The following MYO10 variants were observed in gnomAD, a reference collection of about 807,000 sequenced individuals.
The protein encoded by MYO10 is myosin X, also known as unconventional myosin-X.
In MYO10, 133 loss-of-function variants were observed where a neutral mutation model predicts 257.3. The ratio of observed to expected loss-of-function variants is 0.52; its 90% CI spans 0.45 to 0.60. The LOEUF (loss-of-function observed/expected upper bound fraction) is 0.60. Ranked by LOEUF, MYO10 falls within the 20% of genes least tolerant of loss-of-function variation. The pLI, the probability that MYO10 is intolerant of heterozygous loss-of-function variation, is 0.00. For missense variants in MYO10, 2,399 were observed against 2,635.7 expected (o/e 0.91, Z 1.97); for synonymous variants, 1,104 against 1,028.6 (o/e 1.07, Z -1.40).
At chr5:16,709,836 C>T (rs895377794) in intron 21 of MYO10, among the ~76,000 whole-genome samples, 2 of 152,206 alleles carry the variant, frequency 1.3e-5, no homozygotes, top group Admixed American at 6.5e-5. Context: ...CTATCTCTAC[C>T]CTGTTTTGTG....
rs1736146108 is a variant in MYO10, at chr5:16,665,960, A to G, written c.*732T>C. The G allele has an allele frequency of 6.5e-6, 1 of 152,682 alleles. No individual in the cohort carries two copies. Among genetic ancestry groups the G allele is most frequent in the Non-Finnish European group, 1.5e-5 (1 of 68,048 alleles). 9.5% of individuals were successfully genotyped at this position (152,682 alleles called of 1,614,324 possible). A position where few individuals can be genotyped will look rare whatever the true frequency, so the allele number is the denominator to read the frequency against. On this transcript the variant is annotated 3_prime_UTR_variant, in exon 41 of 41. Transcript: ENST00000513610. Reference sequence around the variant, plus strand: ...TTGGGTTTGTTAATAAAACCACCTTATAAAGTAACAATTGAGACTATAGCT... The same window carrying G: ...TTGGGTTTGTTAATAAAACCACCTTGTAAAGTAACAATTGAGACTATAGCT...
chr5:16,922,297 GA>G (rs2126801660), intron 1 of MYO10, among the ~76,000 whole-genome samples: 1 of 152,202 alleles, frequency 6.6e-6, no homozygotes, highest in East Asian at 1.9e-4. Context: ...ATCCGAGGGG[GA>G]AAACTTCCAG....
intron 1 of MYO10, among the ~76,000 whole-genome samples, chr5:16,927,105 T>C (rs1282823600): frequency 1.3e-5 from 2 of 152,224 alleles, no homozygotes; most frequent in East Asian, 1.9e-4. Context: ...GTATGTGATA[T>C]GGGAACTGAA....
At chr5:16,931,740 C>T (rs1024029067) in intron 1 of MYO10, among the ~76,000 whole-genome samples, 1 of 152,194 alleles carries the variant, frequency 6.6e-6, no homozygotes, top group Non-Finnish European at 1.5e-5. Context: ...CAGCTAATCT[C>T]CTGATATGAT....
rs777493806 is a variant in MYO10, at chr5:16,689,856, G to C, written c.3864C>G (p.Phe1288Leu). The change falls in exon 28 of 41, where the codon TTC (phenylalanine) becomes TTG (leucine). Residue 1288 changes from phenylalanine (F) to leucine (L), a missense_variant. Physicochemically the swap from Phe to Leu is conservative, Grantham distance 22. This residue lies in a region of MYO10 where 1,820 missense variants were observed against 1,939.4 expected (regional missense o/e 0.94). Transcript: ENST00000513610. The stretch of plus-strand genomic sequence containing the variant: ...CTTCTGGGGACTCTGCAATCAGGTG[G>C]AAAGTCCTATCGGCCATAATGATGT... ...GIDIIMADRT[F>L]HLIAESPEDA... The C allele has an allele frequency of 6.2e-7, 1 of 1,613,756 alleles. No homozygotes were observed. The highest frequency in any genetic ancestry group is 1.1e-5 in the South Asian group (1 of 91,076).
intron 19 of MYO10, among the ~76,000 whole-genome samples, chr5:16,748,920 C>G (rs1181204195): frequency 6.6e-6 from 1 of 151,918 alleles, no homozygotes; most frequent in Non-Finnish European, 1.5e-5. Flanking sequence ...TGACATCCCC[C>G]CAAAGTCCTT....
At chr5:16,727,714 T>G (rs1355033156) in intron 19 of MYO10, among the ~76,000 whole-genome samples, 1 of 152,166 alleles carries the variant, frequency 6.6e-6, no homozygotes, top group African/African-American at 2.4e-5. Flanking sequence ...TCCTAGGACA[T>G]TAACTTTGAT....
Position 16,679,861 on chromosome 5 carries a change from G to A in MYO10, c.4542+86C>T. ...GTTTTGATTACAGAAAAAAAACTGA[G>A]CTTCACTAATGCTGAGGTCTTGGTG... On this transcript the variant is annotated intron_variant, in intron 33 of 40. Coordinates refer to ENST00000513610, the MANE Select transcript of MYO10 (RefSeq NM_012334.3). 6 of 1,482,254 alleles carry A rather than the reference G, an allele frequency of 4.0e-6. No individual in the cohort carries two copies. The East Asian group carries it at 1.4e-4, about 35-fold the overall frequency. 91.8% of individuals were successfully genotyped at this position (1,482,254 alleles called of 1,614,324 possible). A position where few individuals can be genotyped will look rare whatever the true frequency, so the allele number is the denominator to read the frequency against.
intron 19 of MYO10, among the ~76,000 whole-genome samples, chr5:16,720,377 TGA>T (rs1181847336): frequency 6.6e-6 from 1 of 152,236 alleles, no homozygotes; most frequent in African/African-American, 2.4e-5. Flanking sequence ...TTTCTCAAAG[TGA>T]GTGGTACTGC....
At chr5:16,765,248 T>C (rs1740829332) in intron 11 of MYO10, among the ~76,000 whole-genome samples, 1 of 152,138 alleles carries the variant, frequency 6.6e-6, no homozygotes, top group South Asian at 2.1e-4. Flanking sequence ...CTTAATCTGG[T>C]GGGCACAAGC....
intron 2 of MYO10, among the ~76,000 whole-genome samples, chr5:16,860,778 G>A (rs1352655409): frequency 3.3e-5 from 5 of 152,046 alleles, no homozygotes; most frequent in South Asian, 2.1e-4. Context: ...GTGGATGGAC[G>A]GATGGAGAGA....
intron 2 of MYO10, among the ~76,000 whole-genome samples, chr5:16,874,597 C>T (rs1012562732): frequency 7.2e-5 from 11 of 152,284 alleles, no homozygotes; most frequent in Admixed American, 7.2e-4. Context: ...GTCACCTCTG[C>T]TCCAGTTCCC....
intron 38 of MYO10, 102 bp downstream of exon 38, chr5:16,671,320 T>G (rs887636622): frequency 7.2e-7 from 1 of 1,384,558 alleles, no homozygotes; most frequent in Non-Finnish European, 9.8e-7. Context: ...AATCCACAGG[T>G]GTGCCTCATT....
intron 26 of MYO10, 77 bp from the exon 27 acceptor site, chr5:16,694,691 G>A (rs572244857): frequency 1.9e-5 from 29 of 1,566,890 alleles, no homozygotes; most frequent in South Asian, 2.3e-5. Context: ...TGCATAGCAG[G>A]TGTTAAGGTC....
Position 16,764,472 on chromosome 5 carries a change from G to C in MYO10, c.1180-76C>G, listed in dbSNP as rs1740808119. 3.3e-6 allele frequency: 5 copies of C among 1,538,230 alleles called. No individual in the cohort carries two copies. The South Asian group carries it at 5.9e-5, about 18-fold the overall frequency. ...AGGCAAGGCCATCCATTCCCCACTT[G>C]AGAGACACACACAAGACTAGCATAG... is the stretch of plus-strand genomic sequence containing the variant. On this transcript the variant is annotated intron_variant, in intron 11 of 40. Transcript: ENST00000513610.
chr5:16,672,158 G>A (rs558830123), intron 37 of MYO10, among the ~76,000 whole-genome samples: 1 of 152,164 alleles, frequency 6.6e-6, no homozygotes, highest in African/African-American at 2.4e-5. Flanking sequence ...AGCTGGGCGT[G>A]GTAGTACATG....
At chr5:16,917,473 G>C (rs1178471465) in intron 1 of MYO10, among the ~76,000 whole-genome samples, 1 of 152,120 alleles carries the variant, frequency 6.6e-6, no homozygotes, top group Non-Finnish European at 1.5e-5. Context: ...TCCCATCAGT[G>C]TTAACAACCA....
chr5:16,669,071 A>G (rs1400539001), intron 39 of MYO10, among the ~76,000 whole-genome samples: 2 of 152,138 alleles, frequency 1.3e-5, no homozygotes, highest in Admixed American at 6.5e-5. Flanking sequence ...ATAAGACCCC[A>G]TATGAAGGGG....
At chr5:16,714,384 G>A (rs1379355189) in intron 19 of MYO10, among the ~76,000 whole-genome samples, 4 of 152,136 alleles carry the variant, frequency 2.6e-5, no homozygotes, top group African/African-American at 9.7e-5. Context: ...GGACCTGGGT[G>A]GAAGATGGAC....
Sources: gnomAD v4.1 joint callset for allele counts (sites outside exome capture counted in the v4.1 genomes callset) on GRCh38, gnomAD v4.1.1 for gene constraint, gnomAD v4.1.1 regional missense constraint, MANE v1.5 for transcripts, NCBI Gene and HGNC (gene_info 2026-07-23, HGNC 2026-07-21) for gene names.